Variants in UFD1 observed in about 807,000 individuals in gnomAD.
UFD1 encodes ubiquitin recognition factor in ER associated degradation 1.
In UFD1, 13 loss-of-function variants were observed where a neutral mutation model predicts 45.9. That is an observed-to-expected ratio of 0.28 (90% confidence interval 0.18 to 0.45). The LOEUF is 0.45. Among genes scored for constraint, UFD1 ranks in the 20% least tolerant of loss-of-function variants. The probability of loss-of-function intolerance (pLI) is 1.00; values close to 1 mark genes in which losing one functional copy is unlikely to be tolerated. For missense variants in UFD1, 218 were observed against 389.2 expected, an observed-to-expected ratio of 0.56 and a Z score of 3.70; for synonymous variants, 128 against 139.2, an observed-to-expected ratio of 0.92 and a Z score of 0.56.
intron 10 of UFD1, among the ~76,000 whole-genome samples, chr22:19,455,172 A>G (rs1207423282): frequency 1.3e-5 from 2 of 152,092 alleles, no homozygotes; most frequent in Non-Finnish European, 2.9e-5. Context: ...CACACAACAG[A>G]CAACTGACAC....
rs1375154002 is a variant in UFD1, at chr22:19,479,145, G to A, written c.-60C>T. The stretch of plus-strand genomic sequence containing the variant: ...GGCAATGCAACGAAGAAACCCCGCC[G>A]ACCGCTCTCCCAGCCGCCGCTGCCG... On this transcript the variant is annotated 5_prime_UTR_variant, in exon 1 of 12. Coordinates refer to ENST00000263202, the MANE Select transcript of UFD1 (RefSeq NM_005659.7). The A allele has an allele frequency of 1.4e-5, 22 of 1,594,532 alleles. No individual in the cohort carries two copies. Among genetic ancestry groups the A allele is most frequent in the South Asian group, 7.9e-5 (7 of 88,798 alleles).
intron 1 of UFD1, 195 bp downstream of exon 1, chr22:19,478,888 C>T (rs1317695349): frequency 3.1e-6 from 2 of 651,990 alleles, no homozygotes; most frequent in African/African-American, 2.0e-5. Context: ...CGTTCAGGAC[C>T]GGCGGACGCG....
At chr22:19,463,541 T>C (rs1180361311) in intron 6 of UFD1, among the ~76,000 whole-genome samples, 1 of 152,266 alleles carries the variant, frequency 6.6e-6, no homozygotes, top group Non-Finnish European at 1.5e-5. Context: ...GCTTGTTCAA[T>C]TGACAGCAAT....
chr22:19,479,175 C>A lies in UFD1; in HGVS notation c.-90G>T, dbSNP rs562505955. 201 of 1,577,028 alleles carry A rather than the reference C, an allele frequency of 1.3e-4. No individual in the cohort carries two copies. The African/African-American group carries it at 2.5e-3, about 19-fold the overall frequency. On this transcript the variant is annotated 5_prime_UTR_variant, in exon 1 of 12. Coordinates refer to ENST00000263202, the MANE Select transcript of UFD1 (RefSeq NM_005659.7). Reference sequence around the variant, plus strand: ...CTCTCCCAGCCGCCGCTGCCGCTGCCGCCGCGCCAAGCCGGTACGCCCCAG... The same window carrying A: ...CTCTCCCAGCCGCCGCTGCCGCTGCAGCCGCGCCAAGCCGGTACGCCCCAG...
chr22:19,456,683 G>A, intron 8 of UFD1, 49 bp from the exon 9 acceptor site: 1 of 1,613,924 alleles, frequency 6.2e-7, no homozygotes. Context: ...GGGACACCCA[G>A]CTTCCCTCTC....
intron 3 of UFD1, 137 bp downstream of exon 3, chr22:19,474,931 G>T: frequency 3.7e-6 from 3 of 818,636 alleles, no homozygotes; most frequent in Non-Finnish European, 5.5e-6. Flanking sequence ...CCAGCCCAGC[G>T]CATGCCCTCC....
At chr22:19,451,159 C>A in intron 11 of UFD1, 1 of 985,694 alleles carries the variant, frequency 1.0e-6, no homozygotes, top group Non-Finnish European at 1.2e-6. Flanking sequence ...AAGTTCATCA[C>A]CCAAAAACAT....
chr22:19,456,532 C>T (rs12160639), intron 9 of UFD1, 55 bp downstream of exon 9: 4 of 1,612,034 alleles, frequency 2.5e-6, no homozygotes, highest in Non-Finnish European at 3.4e-6. Context: ...AGTGAGTGCT[C>T]TAATTTCAAG....
At chr22:19,457,494 A>G (rs1239883263) in intron 7 of UFD1, among the ~76,000 whole-genome samples, 3 of 152,220 alleles carry the variant, frequency 2.0e-5, no homozygotes, top group African/African-American at 7.2e-5. Context: ...CAGAAGGTTC[A>G]GTACGCTTCC....
At chr22:19,470,879 A>C in intron 4 of UFD1, 1 of 454,154 alleles carries the variant, frequency 2.2e-6, no homozygotes, top group Non-Finnish European at 4.4e-6. Context: ...CAGCCAAGCA[A>C]GCACTCCTGA....
At position 19,450,555 on chromosome 22, in the gene UFD1, T is replaced by A; in HGVS notation, c.*115A>T. ...TAATTCTTAGGTAACTCTAAATAAA[T>A]CTTAAGTAACAGAGTATTCTCTGAT... On this transcript the variant is annotated 3_prime_UTR_variant, in exon 12 of 12. Coordinates refer to ENST00000263202, the MANE Select transcript of UFD1 (RefSeq NM_005659.7). 7.6e-7 allele frequency: 1 copy of A among 1,319,334 alleles called. No homozygotes were observed. Among genetic ancestry groups the A allele is most frequent in the Non-Finnish European group, 1.1e-6 (1 of 940,904 alleles). The allele number at this position is 1,319,334 out of a possible 1,614,324, so 81.7% of individuals were successfully genotyped here.
Position 19,475,134 on chromosome 22 carries a change from T to C in UFD1, c.137-34A>G, listed in dbSNP as rs1290673862. The C allele has an allele frequency of 3.5e-5, 56 of 1,588,596 alleles. 1 individual carries two copies. The highest frequency in any genetic ancestry group is 4.4e-5 in the Non-Finnish European group (52 of 1,169,030). On this transcript the variant is annotated intron_variant, in intron 2 of 11. Transcript: ENST00000263202. ...AGAACATTTAAGAAATATTAAAAAA[T>C]AAAAATAAAAAGGACAGACCAAAGG...
intron 7 of UFD1, among the ~76,000 whole-genome samples, chr22:19,457,215 C>T (rs887750281): frequency 1.3e-5 from 2 of 152,146 alleles, no homozygotes; most frequent in Non-Finnish European, 2.9e-5. Flanking sequence ...CTGTGTGGGG[C>T]ATGTATCCAC....
chr22:19,472,381 G>T (rs1413431447), intron 3 of UFD1, among the ~76,000 whole-genome samples: 1 of 152,204 alleles, frequency 6.6e-6, no homozygotes, highest in Admixed American at 6.5e-5. Context: ...ACAGGTGTGC[G>T]AGTGGTTGGG....
chr22:19,475,853 T>C (rs955943675), intron 1 of UFD1, among the ~76,000 whole-genome samples: 4 of 152,192 alleles, frequency 2.6e-5, no homozygotes, highest in African/African-American at 9.7e-5. Context: ...AGACTTGTAC[T>C]GACAGCCCCA....
intron 8 of UFD1, 78 bp downstream of exon 8, chr22:19,456,775 G>A: frequency 1.2e-6 from 2 of 1,613,652 alleles, no homozygotes; most frequent in South Asian, 2.2e-5. Flanking sequence ...CACTAGCAGA[G>A]GCCACCCACG....
chr22:19,454,646 C>A, intron 11 of UFD1, 103 bp downstream of exon 11: 1 of 1,581,978 alleles, frequency 6.3e-7, no homozygotes, highest in Non-Finnish European at 8.6e-7. Context: ...AGCTTGGAAA[C>A]AGACTAATGC....
At chr22:19,473,645 T>C (rs1417689253) in intron 3 of UFD1, among the ~76,000 whole-genome samples, 1 of 152,224 alleles carries the variant, frequency 6.6e-6, no homozygotes, top group Non-Finnish European at 1.5e-5. Flanking sequence ...CCACTGGGTA[T>C]AGCCACAGCC....
chr22:19,455,822 T>C, intron 9 of UFD1, 54 bp from the exon 10 acceptor site: 2 of 1,549,232 alleles, frequency 1.3e-6, no homozygotes, highest in African/African-American at 1.4e-5. Context: ...GGACGATATG[T>C]CCTTTGCTTG....
Sources: gnomAD v4.1 joint callset for allele counts (sites outside exome capture counted in the v4.1 genomes callset) on GRCh38, gnomAD v4.1.1 for gene constraint, MANE v1.5 for transcripts, NCBI Gene and HGNC (gene_info 2026-07-23, HGNC 2026-07-21) for gene names.